The following RBMS1 variants were observed in gnomAD, a reference collection of about 807,000 sequenced individuals.
RBMS1 encodes the protein RNA binding motif single stranded interacting protein 1, also known as RNA-binding motif, single-stranded-interacting protein 1.
RBMS1 carries 17 observed loss-of-function variants against 62.3 expected under a neutral mutation model. The ratio of observed to expected loss-of-function variants is 0.27; its 90% confidence interval spans 0.19 to 0.41. The LOEUF (loss-of-function observed/expected upper bound fraction) is 0.41, where lower values mean the gene tolerates loss of function less well. Ranked by LOEUF, RBMS1 falls within the 10% of genes least tolerant of loss-of-function variation. The probability of loss-of-function intolerance (pLI) is 1.00; values close to 1 mark genes in which losing one functional copy is unlikely to be tolerated. For synonymous variants in RBMS1, 172 were observed against 170.0 expected (o/e 1.01, Z -0.09); for missense variants, 334 against 504.5 (o/e 0.66, Z 3.24).
At chr2:160,457,370 T>A (rs1462237524) in intron 1 of RBMS1, among the ~76,000 whole-genome samples, 3 of 152,172 alleles carry the variant, frequency 2.0e-5, no homozygotes, top group African/African-American at 7.2e-5. Context: ...CCTCAGGTGA[T>A]CTGCCTGCCT....
chr2:160,469,656 G>A (rs150055411), intron 1 of RBMS1, among the ~76,000 whole-genome samples: 1 of 152,080 alleles, frequency 6.6e-6, no homozygotes, highest in Non-Finnish European at 1.5e-5. Context: ...TTCCTCTCAG[G>A]ACTTTATTGG....
chr2:160,367,325 T>A lies in RBMS1; in HGVS notation c.142A>T (p.Ser48Cys). ...SPSTTSSNNN[S>C]SSSSNSGWDQ... ...CATCCTGAGTTGCTACTGCTGCTAC[T>A]GTTGTTATTACTGCTGGTGGTGCTG... Residue 48 changes from serine to cysteine, a missense_variant, in exon 2 of 14, where the codon AGT becomes TGT. Coordinates refer to ENST00000348849, the MANE Select transcript of RBMS1 (RefSeq NM_016836.4). 1 of 1,614,008 alleles carries A rather than the reference T, an allele frequency of 6.2e-7. No individual in the cohort carries two copies. Among genetic ancestry groups the A allele is most frequent in the Middle Eastern group, 1.6e-4 (1 of 6,062 alleles).
In RBMS1 at chr2:160,435,593, G is replaced by A. The variant is rs74486150; in HGVS notation, c.75+57696C>T. On this transcript the variant is annotated intron_variant, in intron 1 of 13. Coordinates refer to ENST00000348849, the MANE Select transcript of RBMS1 (RefSeq NM_016836.4). ...GCCTTAGGCTTTTCTTTGTATTTTG[G>A]AGGACCTTTTACATTAGAATTCCAG... Among the ~76,000 whole-genome samples the A allele has an allele frequency of 9.5e-3, 1,440 of 152,212 alleles. 28 individuals are homozygous for A. The highest frequency in any genetic ancestry group is 0.046 in the East Asian group (239 of 5,186).
At chr2:160,377,053 T>C (rs1056996731) in intron 1 of RBMS1, among the ~76,000 whole-genome samples, 2 of 151,956 alleles carry the variant, frequency 1.3e-5, no homozygotes, top group African/African-American at 2.4e-5. Flanking sequence ...GAGATGGCTG[T>C]CTCTAAGCTA....
intron 2 of RBMS1, among the ~76,000 whole-genome samples, chr2:160,325,570 G>A (rs1479620468): frequency 6.6e-6 from 1 of 152,114 alleles, no homozygotes; most frequent in Non-Finnish European, 1.5e-5. Flanking sequence ...TGGCTGCTTT[G>A]TTTTTTCAAT....
At chr2:160,289,398 G>C (rs778941703) in intron 6 of RBMS1, among the ~76,000 whole-genome samples, 1 of 152,198 alleles carries the variant, frequency 6.6e-6, no homozygotes, top group Non-Finnish European at 1.5e-5. Flanking sequence ...ATTATAACCA[G>C]TAAAAATGAC....
intron 1 of RBMS1, among the ~76,000 whole-genome samples, chr2:160,368,866 C>T (rs1300978137): frequency 6.6e-6 from 1 of 152,172 alleles, no homozygotes; most frequent in African/African-American, 2.4e-5. Flanking sequence ...TCTTGAACTC[C>T]AGACCTCAGG....
intron 1 of RBMS1, among the ~76,000 whole-genome samples, chr2:160,469,759 A>G (rs13030967): frequency 0.53 from 80,137 of 152,094 alleles, 22,381 homozygotes; most frequent in Admixed American, 0.65. Context: ...ATAGAATTAC[A>G]GGGCAGACTC....
chr2:160,468,244 T>C lies in RBMS1; in HGVS notation c.75+25045A>G, dbSNP rs560256121. Among the ~76,000 whole-genome samples the C allele has an allele frequency of 1.4e-4, 22 of 152,334 alleles. No homozygotes were observed. The South Asian group carries it at 4.6e-3, about 32-fold the overall frequency. ...GGGTCTGGGTCACTCAACAAATATT[T>C]ATTAGTGGGTATCCACTACATGAGT... On this transcript the variant is annotated intron_variant, in intron 1 of 13. Coordinates refer to ENST00000348849, the MANE Select transcript of RBMS1 (RefSeq NM_016836.4).
intron 3 of RBMS1, among the ~76,000 whole-genome samples, chr2:160,313,672 C>T (rs530453333): frequency 2.2e-4 from 33 of 151,942 alleles, no homozygotes; most frequent in Non-Finnish European, 3.7e-4. Context: ...ATGACAGAAA[C>T]AAAAATTATG....
At chr2:160,343,005 C>CTA (rs1691966521) in intron 2 of RBMS1, among the ~76,000 whole-genome samples, 1 of 151,986 alleles carries the variant, frequency 6.6e-6, no homozygotes, top group Admixed American at 6.6e-5. Flanking sequence ...AATAAGGGAC[C>CTA]TATGAAGCCA....
At chr2:160,334,358 T>C (rs945567608) in intron 2 of RBMS1, among the ~76,000 whole-genome samples, 1 of 152,222 alleles carries the variant, frequency 6.6e-6, no homozygotes, top group African/African-American at 2.4e-5. Context: ...ACTTGACTTC[T>C]ATGACAAAGT....
At chr2:160,277,082 C>T (rs1332251595) in intron 12 of RBMS1, among the ~76,000 whole-genome samples, 1 of 152,150 alleles carries the variant, frequency 6.6e-6, no homozygotes. Flanking sequence ...GATGGGATCT[C>T]ACTATGTTGC....
chr2:160,493,145 G>C, intron 1 of RBMS1, 144 bp downstream of exon 1: 1 of 800,054 alleles, frequency 1.2e-6, no homozygotes, highest in Non-Finnish European at 1.9e-6. Context: ...GCTCTGCCCA[G>C]GCCAGCGCTA....
intron 2 of RBMS1, among the ~76,000 whole-genome samples, chr2:160,328,671 C>T (rs565880685): frequency 6.6e-6 from 1 of 152,272 alleles, no homozygotes; most frequent in South Asian, 2.1e-4. Flanking sequence ...CCGCCCCCAA[C>T]ACCACGGAAA....
intron 1 of RBMS1, among the ~76,000 whole-genome samples, chr2:160,442,402 T>C (rs964702774): frequency 6.6e-6 from 1 of 152,176 alleles, no homozygotes; most frequent in African/African-American, 2.4e-5. Context: ...GTTTGGGAAA[T>C]AGTAGTATCC....
At chr2:160,337,665 G>C (rs1232266836) in intron 2 of RBMS1, among the ~76,000 whole-genome samples, 1 of 151,996 alleles carries the variant, frequency 6.6e-6, no homozygotes, top group Non-Finnish European at 1.5e-5. Context: ...AAAACTGGGG[G>C]GGAGGGGAAC....
At chr2:160,315,033 C>T (rs1042057216) in intron 3 of RBMS1, among the ~76,000 whole-genome samples, 4 of 152,064 alleles carry the variant, frequency 2.6e-5, no homozygotes, top group Non-Finnish European at 5.9e-5. Context: ...TTCAATTTTG[C>T]TATTGTCAAC....
rs569658214 is a variant in RBMS1 at position 160,377,852 on chromosome 2, A to G, written c.76-10461T>C. On this transcript the variant is annotated intron_variant, in intron 1 of 13. Transcript: ENST00000348849. Reference sequence around the variant, plus strand: ...CAGGAGAAGTCAAACCACATATCCAAGGCCATACAGCTAATCAGAGGGAGA... The same window carrying G: ...CAGGAGAAGTCAAACCACATATCCAGGGCCATACAGCTAATCAGAGGGAGA... Among the ~76,000 whole-genome samples, 33 of 152,346 alleles carry G rather than the reference A, an allele frequency of 2.2e-4. No homozygotes were observed. The South Asian group carries it at 6.6e-3, about 31-fold the overall frequency.
Sources: allele counts gnomAD v4.1 joint callset (sites outside exome capture counted in the v4.1 genomes callset), GRCh38; gene constraint gnomAD v4.1.1; transcripts MANE v1.5; gene names NCBI Gene and HGNC (gene_info 2026-07-23, HGNC 2026-07-21).